CUX2: variants seen among roughly 807,000 people sequenced by gnomAD.
CUX2 encodes the protein homeobox protein cut-like 2.
In CUX2, 40 loss-of-function variants were observed where a neutral mutation model predicts 144.8. The ratio of observed to expected loss-of-function variants is 0.28; its 90% confidence interval spans 0.21 to 0.36. CUX2 has a LOEUF of 0.36. Ranked by LOEUF, CUX2 falls within the 10% of genes least tolerant of loss-of-function variation. CUX2 has a pLI of 1.00. For synonymous variants in CUX2, 827 were observed against 875.6 expected (o/e 0.94, Z 0.98); for missense variants, 1,615 against 1,994.0 (o/e 0.81, Z 3.62).
chr12:111,146,727 A>G (rs1418708371), intron 1 of CUX2, among the ~76,000 whole-genome samples: 4 of 152,226 alleles, frequency 2.6e-5, no homozygotes, highest in Non-Finnish European at 2.9e-5. Flanking sequence ...TTGGTCCCAG[A>G]GTCAGACCCC....
intron 1 of CUX2, among the ~76,000 whole-genome samples, chr12:111,045,407 C>T (rs556187549): frequency 2.0e-5 from 3 of 152,230 alleles, no homozygotes; most frequent in East Asian, 1.9e-4. Flanking sequence ...GAGTGTAGCA[C>T]AGAACAAAAC....
chr12:111,298,490 G>C (rs1032664641), intron 8 of CUX2, 51 bp from the exon 9 acceptor site: 11 of 1,542,066 alleles, frequency 7.1e-6, no homozygotes, highest in African/African-American at 1.4e-5. Flanking sequence ...AGGGGCGGGG[G>C]CCTGGAGCCC....
intron 1 of CUX2, among the ~76,000 whole-genome samples, chr12:111,076,116 A>C (rs1285077749): frequency 6.6e-6 from 1 of 152,214 alleles, no homozygotes; most frequent in Non-Finnish European, 1.5e-5. Flanking sequence ...ACCACACATC[A>C]TGTGGATACT....
chr12:111,188,362 G>A (rs546716300), intron 1 of CUX2, among the ~76,000 whole-genome samples: 85 of 152,302 alleles, frequency 5.6e-4, no homozygotes, highest in African/African-American at 2.0e-3. Flanking sequence ...AGAGAGACAC[G>A]GACCCTGCCA....
In CUX2 at chr12:111,307,185, C is replaced by A. The variant is rs376937227; in HGVS notation, c.1051-14C>A. On this transcript the variant is annotated splice_polypyrimidine_tract_variant and intron_variant, in intron 11 of 21. Coordinates refer to ENST00000261726, the MANE Select transcript of CUX2 (RefSeq NM_015267.4). The surrounding 1 kb of genome is among the most constrained non-coding windows in gnomAD (Gnocchi z 4.1). ...CACACAGACCAGCCTCACCATCTTTCTTTGCTCTTCTAGAAGCTGGAAGAG... is the reference window on the plus strand; with the variant it reads ...CACACAGACCAGCCTCACCATCTTTATTTGCTCTTCTAGAAGCTGGAAGAG... 9 of 1,614,026 alleles carry A rather than the reference C, an allele frequency of 5.6e-6. No individual in the cohort carries two copies. Among genetic ancestry groups the A allele is most frequent in the Non-Finnish European group, 7.6e-6 (9 of 1,180,022 alleles).
At chr12:111,133,128 T>A (rs560486457) in intron 1 of CUX2, among the ~76,000 whole-genome samples, 1 of 152,302 alleles carries the variant, frequency 6.6e-6, no homozygotes, top group South Asian at 2.1e-4. Context: ...ACTATCAGCA[T>A]TTTTGTCAAA....
intron 1 of CUX2, among the ~76,000 whole-genome samples, chr12:111,076,566 C>G (rs1203559434): frequency 6.6e-6 from 1 of 152,208 alleles, no homozygotes; most frequent in African/African-American, 2.4e-5. Flanking sequence ...CTCCAAGGAG[C>G]CAGTGGGAGC....
chr12:111,148,325 G>A (rs1214982042), intron 1 of CUX2, among the ~76,000 whole-genome samples: 1 of 150,974 alleles, frequency 6.6e-6, no homozygotes, highest in Admixed American at 6.6e-5. Flanking sequence ...CCCTAGAGTA[G>A]TCAAATCCAC....
intron 1 of CUX2, among the ~76,000 whole-genome samples, chr12:111,213,273 T>G (rs1881332237): frequency 6.6e-6 from 1 of 152,212 alleles, no homozygotes; most frequent in Non-Finnish European, 1.5e-5. Flanking sequence ...GAGCATTTCT[T>G]GAATTATGCA....
rs909137725 is a variant in CUX2 at position 111,059,964 on chromosome 12, G to A, written c.63+25724G>A. Among the ~76,000 whole-genome samples the A allele has an allele frequency of 1.2e-4, 18 of 152,204 alleles. No homozygotes were observed. Among genetic ancestry groups the A allele is most frequent in the African/African-American group, 4.1e-4 (17 of 41,522 alleles). ...CAGGGCTCCATTTAGAATCACTCCC[G>A]GGAAATCATGGCAGGGAGGTGGCAG... On this transcript the variant is annotated intron_variant, in intron 1 of 21. Coordinates refer to ENST00000261726, the MANE Select transcript of CUX2 (RefSeq NM_015267.4). The surrounding 1 kb of genome is among the most constrained non-coding windows in gnomAD (Gnocchi z 5.3).
In CUX2 at chr12:111,160,601, C is replaced by T. The variant is rs1182129355; in HGVS notation, c.64-53599C>T. 6.6e-6 allele frequency among the ~76,000 whole-genome samples: 1 copy of T among 152,108 alleles called. No homozygotes were observed. The highest frequency in any genetic ancestry group is 1.5e-5 in the Non-Finnish European group (1 of 68,018). Reference sequence around the variant, plus strand: ...ACTTGGCTGTGGAGGTCTCCTTGGCCACACGAAGGGGCCTGGGTTTTTGTC... The same window carrying T: ...ACTTGGCTGTGGAGGTCTCCTTGGCTACACGAAGGGGCCTGGGTTTTTGTC... On this transcript the variant is annotated intron_variant, in intron 1 of 21. Transcript: ENST00000261726. The surrounding 1 kb of genome is among the most constrained non-coding windows in gnomAD (Gnocchi z 4.1).
chr12:111,082,456 A>G (rs1456917880), intron 1 of CUX2, among the ~76,000 whole-genome samples: 1 of 152,172 alleles, frequency 6.6e-6, no homozygotes, highest in African/African-American at 2.4e-5. Context: ...TTGAATGCCT[A>G]CGGTGTGCCA....
At chr12:111,329,590 C>T (rs1443525034) in intron 18 of CUX2, among the ~76,000 whole-genome samples, 3 of 152,016 alleles carry the variant, frequency 2.0e-5, no homozygotes, top group African/African-American at 4.8e-5. Context: ...AGATAGTTTT[C>T]CAAGAGGGAG....
rs1883768409 is a variant in CUX2 at position 111,255,416 on chromosome 12, G to A, written c.223-8345G>A. ...CACGTTAGCACTCGCCAGGGAACGG[G>A]GGCCCCAGCAGACACACCTGGAGGC... On this transcript the variant is annotated intron_variant, in intron 3 of 21. Coordinates refer to ENST00000261726, the MANE Select transcript of CUX2 (RefSeq NM_015267.4). The surrounding 1 kb of genome is among the most constrained non-coding windows in gnomAD (Gnocchi z 4.1). Among the ~76,000 whole-genome samples the A allele has an allele frequency of 6.6e-6, 1 of 152,236 alleles. No individual in the cohort carries two copies. Among genetic ancestry groups the A allele is most frequent in the Admixed American group, 6.5e-5 (1 of 15,276 alleles).
chr12:111,191,769 C>T (rs1879906294), intron 1 of CUX2, among the ~76,000 whole-genome samples: 3 of 152,222 alleles, frequency 2.0e-5, no homozygotes, highest in Non-Finnish European at 4.4e-5. Context: ...CTGGAGTGTG[C>T]TTTCCTCTGT....
At chr12:111,300,469 C>A (rs1412018052) in intron 9 of CUX2, among the ~76,000 whole-genome samples, 1 of 152,124 alleles carries the variant, frequency 6.6e-6, no homozygotes, top group South Asian at 2.1e-4. Context: ...CCATTGTGAA[C>A]CTTACTTTTC....
At chr12:111,299,244 C>T (rs564984035) in intron 9 of CUX2, among the ~76,000 whole-genome samples, 14 of 152,326 alleles carry the variant, frequency 9.2e-5, no homozygotes, top group Admixed American at 4.6e-4. Context: ...TCTGCGGGCC[C>T]GCACTGTGGC....
chr12:111,323,245 G>T (rs1031143726), intron 18 of CUX2, among the ~76,000 whole-genome samples: 2 of 152,268 alleles, frequency 1.3e-5, no homozygotes, highest in African/African-American at 2.4e-5. Context: ...GAAGGGCAGA[G>T]ACCAGGGGAG....
At chr12:111,101,917 G>T (rs1873269030) in intron 1 of CUX2, among the ~76,000 whole-genome samples, 1 of 152,316 alleles carries the variant, frequency 6.6e-6, no homozygotes, top group Middle Eastern at 3.4e-3. Context: ...ACTACATGGG[G>T]ATGTTGTGAG....
Sources: gnomAD v4.1 joint callset for allele counts (sites outside exome capture counted in the v4.1 genomes callset) on GRCh38, gnomAD v4.1.1 for gene constraint, Gnocchi (gnomAD v3.1) non-coding constraint, MANE v1.5 for transcripts, NCBI Gene and HGNC (gene_info 2026-07-23, HGNC 2026-07-21) for gene names.